GABRG3: variants seen among roughly 807,000 people sequenced by gnomAD.
GABRG3 encodes the protein gamma-aminobutyric acid type A receptor subunit gamma3, also known as gamma-aminobutyric acid receptor subunit gamma-3.
Under a neutral mutation model 48.8 loss-of-function variants are expected in GABRG3, and 25 were observed. That is an observed-to-expected ratio of 0.51 (90% CI 0.37 to 0.72). The LOEUF is 0.72. Ranked by LOEUF, GABRG3 falls within the 30% of genes least tolerant of loss-of-function variation. The probability of loss-of-function intolerance (pLI) is 0.00; values close to 1 mark genes in which losing one functional copy is unlikely to be tolerated. For missense variants in GABRG3, 394 were observed against 577.9 expected (o/e 0.68, Z 3.26); for synonymous variants, 227 against 217.6 (o/e 1.04, Z -0.38).
In GABRG3 at chr15:26,974,664, C is replaced by A. The variant is rs1440569458; in HGVS notation, c.54-2338C>A. 6.6e-6 allele frequency among the ~76,000 whole-genome samples: 1 copy of A among 151,986 alleles called. No individual in the cohort carries two copies. Among genetic ancestry groups the A allele is most frequent in the Non-Finnish European group, 1.5e-5 (1 of 68,020 alleles). On this transcript the variant is annotated intron_variant, in intron 1 of 9. Coordinates refer to ENST00000615808, the MANE Select transcript of GABRG3 (RefSeq NM_033223.5). This position sits in a 1 kb window ranked among gnomAD's most constrained non-coding sequence, Gnocchi z 4.3. ...TGATTCTGCTGAGATGAGCTACCGG[C>A]CTCTCCTCACTGCCCCAGATGCCCT...
Position 27,233,510 on chromosome 15 carries a change from G to A in GABRG3, c.271-93299G>A, listed in dbSNP as rs1362809552. Among the ~76,000 whole-genome samples the A allele has an allele frequency of 2.0e-5, 3 of 152,092 alleles. No homozygotes were observed. In the East Asian group the frequency reaches 5.8e-4, roughly 29 times the overall value. On this transcript the variant is annotated intron_variant, in intron 3 of 9. Transcript: ENST00000615808. ...TGAGGCCCCTCCAGGTGTGCAGAAG[G>A]CCACCTTCTCCTTGTGTCCTCTCAG...
chr15:27,345,970 T>C (rs1595692668), intron 5 of GABRG3, among the ~76,000 whole-genome samples: 1 of 151,144 alleles, frequency 6.6e-6, no homozygotes, highest in East Asian at 2.0e-4. Context: ...CAAGAATCAC[T>C]TGGAACCCAG....
At chr15:27,196,739 G>A (rs1170192818) in intron 3 of GABRG3, among the ~76,000 whole-genome samples, 3 of 152,180 alleles carry the variant, frequency 2.0e-5, no homozygotes, top group African/African-American at 7.2e-5. Flanking sequence ...TAAGACTTTG[G>A]GATCTGCGGT....
chr15:27,231,264 C>T (rs5028919), intron 3 of GABRG3, among the ~76,000 whole-genome samples: 1 of 151,934 alleles, frequency 6.6e-6, no homozygotes, highest in African/African-American at 2.4e-5. Context: ...TTCAAAAAAT[C>T]CTCTAACAGT....
Position 27,249,097 on chromosome 15 carries a change from C to T in GABRG3, c.271-77712C>T, listed in dbSNP as rs112100002. ...TGCATACAAAGGAATATTCAACACG[C>T]GACCTGGGTGATGTGGGCTGTTGAA... On this transcript the variant is annotated intron_variant, in intron 3 of 9. Transcript: ENST00000615808. Among the ~76,000 whole-genome samples, 642 of 152,274 alleles carry T rather than the reference C, an allele frequency of 4.2e-3. 4 individuals are homozygous for T. Among genetic ancestry groups the T allele is most frequent in the African/African-American group, 0.015 (606 of 41,550 alleles).
intron 5 of GABRG3, chr15:27,350,427 T>A (rs1348055964): frequency 6.1e-6 from 2 of 326,254 alleles, no homozygotes; most frequent in Middle Eastern, 1.1e-3. Context: ...TCTTTGTTTT[T>A]TCAAATGGAT....
chr15:27,073,587 CCTTTT>C, intron 3 of GABRG3, among the ~76,000 whole-genome samples: 1 of 152,336 alleles, frequency 6.6e-6, no homozygotes, highest in East Asian at 1.9e-4. Flanking sequence ...TCCTGGATTC[CCTTTT>C]CTTCTACTGT....
At chr15:27,252,632 G>A (rs1890496506) in intron 3 of GABRG3, among the ~76,000 whole-genome samples, 1 of 152,142 alleles carries the variant, frequency 6.6e-6, no homozygotes, top group Non-Finnish European at 1.5e-5. Context: ...GACATCTGTG[G>A]GGCCTCCTGG....
intron 3 of GABRG3, among the ~76,000 whole-genome samples, chr15:27,153,764 T>C (rs1163914087): frequency 6.6e-6 from 1 of 152,236 alleles, no homozygotes; most frequent in Admixed American, 6.5e-5. Context: ...TTACTTATGT[T>C]ACCCATCTGT....
At chr15:27,443,001 T>C (rs1595757716) in intron 5 of GABRG3, among the ~76,000 whole-genome samples, 1 of 152,276 alleles carries the variant, frequency 6.6e-6, no homozygotes, top group East Asian at 1.9e-4. Flanking sequence ...TAAAGTCGGT[T>C]ATGGGCTGCA....
intron 3 of GABRG3, among the ~76,000 whole-genome samples, chr15:27,218,532 T>G (rs1197353301): frequency 6.6e-6 from 1 of 152,174 alleles, no homozygotes; most frequent in Non-Finnish European, 1.5e-5. Context: ...TGGAGGCTTA[T>G]GTCCCAGGGC....
chr15:27,109,391 G>T (rs8028661), intron 3 of GABRG3, among the ~76,000 whole-genome samples: 1 of 152,182 alleles, frequency 6.6e-6, no homozygotes, highest in African/African-American at 2.4e-5. Flanking sequence ...TGTACATTCT[G>T]TAGGCTTTGC....
intron 6 of GABRG3, chr15:27,481,108 A>G (rs1013402260): frequency 1.8e-6 from 2 of 1,119,280 alleles, no homozygotes; most frequent in African/African-American, 1.6e-5. Context: ...GCAAATTTCC[A>G]CGTACATAAG....
Position 27,039,719 on chromosome 15 carries a change from C to T in GABRG3, c.270+12898C>T, listed in dbSNP as rs1218293846. Among the ~76,000 whole-genome samples, 4 of 152,336 alleles carry T rather than the reference C, an allele frequency of 2.6e-5. No homozygotes were observed. The East Asian group carries it at 7.7e-4, about 29-fold the overall frequency. On this transcript the variant is annotated intron_variant, in intron 3 of 9. Transcript: ENST00000615808. ...CAGAACTTTCTTTTGTCAGCATTCC[C>T]TAGTCTTTTATGAGGCAGAACTGTA...
chr15:27,297,230 T>G (rs1298829346), intron 3 of GABRG3, among the ~76,000 whole-genome samples: 1 of 152,130 alleles, frequency 6.6e-6, no homozygotes, highest in African/African-American at 2.4e-5. Flanking sequence ...GTTTATAAAG[T>G]AAAAGTGTTA....
chr15:27,532,854 C>A lies in GABRG3; in HGVS notation c.1377C>A (p.Val459=). 1 of 1,613,940 alleles carries A rather than the reference C, an allele frequency of 6.2e-7. No individual in the cohort carries two copies. Among genetic ancestry groups the A allele is most frequent in the South Asian group, 1.1e-5 (1 of 91,064 alleles). The part of the protein sequence containing the change: ...FPTSFLLFNL[V]YWVGYLYL ...CGTCCTTCCTGCTCTTTAACCTGGT[C>A]TACTGGGTTGGATACCTGTATCTCT... is the stretch of plus-strand genomic sequence containing the variant. The change falls in exon 10 of 10, where the codon GTC becomes GTA. Residue 459 remains valine (V), a synonymous_variant. Coordinates refer to ENST00000615808, the MANE Select transcript of GABRG3 (RefSeq NM_033223.5).
intron 3 of GABRG3, among the ~76,000 whole-genome samples, chr15:27,151,101 A>G (rs1202270534): frequency 6.6e-6 from 1 of 152,186 alleles, no homozygotes; most frequent in Non-Finnish European, 1.5e-5. Flanking sequence ...GCCTTTACCC[A>G]CTGTCTCTCA....
At chr15:27,322,778 A>C (rs79472415) in intron 3 of GABRG3, among the ~76,000 whole-genome samples, 13,536 of 152,126 alleles carry the variant, frequency 0.089, 1,065 homozygotes, top group African/African-American at 0.22. Flanking sequence ...TCTGCTGCTG[A>C]TGCCCCTCTC....
At chr15:27,197,864 C>T (rs1888546376) in intron 3 of GABRG3, among the ~76,000 whole-genome samples, 1 of 152,026 alleles carries the variant, frequency 6.6e-6, no homozygotes, top group African/African-American at 2.4e-5. Flanking sequence ...GGAATTTATC[C>T]ATTTCTTCTA....
Sources: gnomAD v4.1 joint callset for allele counts (sites outside exome capture counted in the v4.1 genomes callset) on GRCh38, gnomAD v4.1.1 for gene constraint, Gnocchi (gnomAD v3.1) non-coding constraint, MANE v1.5 for transcripts, NCBI Gene and HGNC (gene_info 2026-07-23, HGNC 2026-07-21) for gene names.